Variants in EYA1 observed in about 807,000 individuals in gnomAD.
EYA1 encodes the protein protein phosphatase EYA1.
EYA1 carries 16 observed loss-of-function variants against 82.0 expected under a neutral mutation model. That is an observed-to-expected ratio of 0.20 (90% CI 0.13 to 0.30). The LOEUF is 0.30. Among genes scored for constraint, EYA1 ranks in the 10% least tolerant of loss-of-function variants. EYA1 has a pLI of 1.00. For missense variants in EYA1, 633 were observed against 730.7 expected, an observed-to-expected ratio of 0.87 and a Z score of 1.54; for synonymous variants, 261 against 264.4, an observed-to-expected ratio of 0.99 and a Z score of 0.12.
At chr8:71,286,048 G>A (rs911137422) in intron 9 of EYA1, among the ~76,000 whole-genome samples, 40 of 152,290 alleles carry the variant, frequency 2.6e-4, no homozygotes, top group African/African-American at 9.1e-4. Flanking sequence ...GACCACACGG[G>A]TCTTCTTGCA....
chr8:71,203,684 G>GC (rs1807368820), intron 17 of EYA1, among the ~76,000 whole-genome samples: 1 of 151,906 alleles, frequency 6.6e-6, no homozygotes, highest in Non-Finnish European at 1.5e-5. Flanking sequence ...AATGGAAGGA[G>GC]CGAGAGGCTA....
At chr8:71,266,718 C>T (rs1398328604) in intron 11 of EYA1, among the ~76,000 whole-genome samples, 2 of 152,154 alleles carry the variant, frequency 1.3e-5, no homozygotes, top group East Asian at 1.9e-4. Flanking sequence ...ACTGACTAGT[C>T]CCCCCAGTGC....
chr8:71,275,246 T>C (rs1259247928), intron 9 of EYA1, among the ~76,000 whole-genome samples: 1 of 151,896 alleles, frequency 6.6e-6, no homozygotes, highest in African/African-American at 2.4e-5. Flanking sequence ...AATAACTAAG[T>C]GGATAAGGAA....
At chr8:71,362,665 G>A (rs1827505179), upstream of EYA1, among the ~76,000 whole-genome samples, 1 of 152,144 alleles carries the variant, frequency 6.6e-6, no homozygotes, top group African/African-American at 2.4e-5. Context: ...TTCTAGAATG[G>A]CAAATCTTCT....
chr8:71,525,275 T>C (rs1813723045), intron 2 of EYA1, among the ~76,000 whole-genome samples: 1 of 152,144 alleles, frequency 6.6e-6, no homozygotes, highest in African/African-American at 2.4e-5. Flanking sequence ...GTTTTATTGA[T>C]ACAAGATGGG....
At chr8:71,351,652 T>A (rs1167876646) in intron 3 of EYA1, among the ~76,000 whole-genome samples, 1 of 152,184 alleles carries the variant, frequency 6.6e-6, no homozygotes, top group Non-Finnish European at 1.5e-5. Flanking sequence ...CTTTATCCCT[T>A]AGATGAACCA....
At chr8:71,446,812 G>C (rs1317341590) in intron 2 of EYA1, among the ~76,000 whole-genome samples, 1 of 152,080 alleles carries the variant, frequency 6.6e-6, no homozygotes, top group East Asian at 1.9e-4. Flanking sequence ...ATTGATCTTA[G>C]CATTACTGTC....
intron 2 of EYA1, among the ~76,000 whole-genome samples, chr8:71,394,206 G>C (rs373847344): frequency 6.6e-6 from 1 of 151,642 alleles, no homozygotes; most frequent in Non-Finnish European, 1.5e-5. Flanking sequence ...TTGTCAGATG[G>C]GTAGATTGTA....
intron 2 of EYA1, among the ~76,000 whole-genome samples, chr8:71,375,631 C>CT (rs1263995091): frequency 2.6e-5 from 4 of 151,932 alleles, no homozygotes; most frequent in South Asian, 4.2e-4. Context: ...CTCTACATAA[C>CT]TTTTTTTTCT....
chr8:71,518,736 T>TATATG (rs1474014043), intron 2 of EYA1, among the ~76,000 whole-genome samples: 1 of 152,200 alleles, frequency 6.6e-6, no homozygotes, highest in Non-Finnish European at 1.5e-5. Context: ...TTCTTTTTGT[T>TATATG]CAAATTAATT....
chr8:71,437,384 G>C (rs28502272), intron 2 of EYA1, among the ~76,000 whole-genome samples: 36,766 of 151,630 alleles, frequency 0.24, 5,145 homozygotes, highest in Non-Finnish European at 0.32. Flanking sequence ...AGCTTTTCCT[G>C]ATGCCCTCTT....
At chr8:71,389,842 T>C (rs963764155) in intron 2 of EYA1, among the ~76,000 whole-genome samples, 4 of 152,180 alleles carry the variant, frequency 2.6e-5, no homozygotes, top group African/African-American at 9.6e-5. Context: ...CAAAGATCTG[T>C]AGGTTAATAC....
chr8:71,307,460 C>T (rs939801693), intron 7 of EYA1, among the ~76,000 whole-genome samples: 1 of 152,072 alleles, frequency 6.6e-6, no homozygotes, highest in African/African-American at 2.4e-5. Context: ...GTGTCCGTCC[C>T]ACCACACTCG....
At chr8:71,310,099 T>G (rs918849093) in intron 7 of EYA1, among the ~76,000 whole-genome samples, 1 of 152,170 alleles carries the variant, frequency 6.6e-6, no homozygotes, top group African/African-American at 2.4e-5. Context: ...TATACCATTA[T>G]TGATATTCTG....
At chr8:71,217,203 T>C (rs569231425) in intron 12 of EYA1, among the ~76,000 whole-genome samples, 180 bp from the exon 13 acceptor site, 168 of 152,320 alleles carry the variant, frequency 1.1e-3, no homozygotes, top group African/African-American at 3.7e-3. Flanking sequence ...GGTCCTCTCC[T>C]GTAAGAAAGA....
At chr8:71,483,458 AAG>A (rs1238101791) in intron 2 of EYA1, among the ~76,000 whole-genome samples, 1 of 152,180 alleles carries the variant, frequency 6.6e-6, no homozygotes, top group Non-Finnish European at 1.5e-5. Context: ...GTATTATCAA[AAG>A]AGAGAAAAAC....
At chr8:71,222,086 C>A (rs980262404) in intron 12 of EYA1, among the ~76,000 whole-genome samples, 1 of 152,146 alleles carries the variant, frequency 6.6e-6, no homozygotes, top group African/African-American at 2.4e-5. Flanking sequence ...TGTTCTAAAG[C>A]CTTTTTCAGA....
intron 9 of EYA1, among the ~76,000 whole-genome samples, chr8:71,290,672 T>TG (rs1460188391): frequency 6.6e-6 from 1 of 152,162 alleles, no homozygotes; most frequent in Non-Finnish European, 1.5e-5. Flanking sequence ...TTTCTTTTCT[T>TG]GGAAATACAG....
intron 3 of EYA1, among the ~76,000 whole-genome samples, chr8:71,337,933 C>T (rs1824683393): frequency 6.6e-6 from 1 of 152,196 alleles, no homozygotes; most frequent in Non-Finnish European, 1.5e-5. Context: ...GCCTCGGCTT[C>T]CTCATCTGTA....
Sources: allele counts gnomAD v4.1 joint callset (sites outside exome capture counted in the v4.1 genomes callset), GRCh38; gene constraint gnomAD v4.1.1; transcripts MANE v1.5; gene names NCBI Gene and HGNC (gene_info 2026-07-23, HGNC 2026-07-21).